GRM5: variants seen among roughly 807,000 people sequenced by gnomAD.
GRM5 encodes the protein metabotropic glutamate receptor 5.
GRM5 carries 19 observed loss-of-function variants against 83.1 expected under a neutral mutation model. The observed-to-expected ratio is 0.23, with a 90% confidence interval of 0.16 to 0.34. The LOEUF (loss-of-function observed/expected upper bound fraction) is 0.34, where lower values mean the gene tolerates loss of function less well. Among genes scored for constraint, GRM5 ranks in the 10% least tolerant of loss-of-function variants. The pLI, the probability that GRM5 is intolerant of heterozygous loss-of-function variation, is 1.00. For synonymous variants in GRM5, 675 were observed against 633.6 expected, an observed-to-expected ratio of 1.07 and a Z score of -0.98; for missense variants, 1,160 against 1,588.3, an observed-to-expected ratio of 0.73 and a Z score of 4.58.
intron 3 of GRM5, among the ~76,000 whole-genome samples, chr11:88,682,918 G>C (rs1940530828): frequency 6.7e-6 from 1 of 150,224 alleles, no homozygotes; most frequent in Non-Finnish European, 1.5e-5. Flanking sequence ...TAGCTTACTG[G>C]TGTTTAAACG....
At position 88,508,598 on chromosome 11, in the gene GRM5, C is replaced by G. The variant is rs183106472; in HGVS notation, c.3633G>C (p.Ser1211=). ...IIRDYTQSSS[S]L ...GCGTGCTTTCCAGGGACATTCACAA[C>G]GACGAGGAGCTCTGAGTGTAATCTC... The change falls in exon 10 of 10, where the codon TCG becomes TCC. Residue 1211 remains serine (S), a synonymous_variant. Transcript: ENST00000305447. This position sits in a 1 kb window ranked among gnomAD's most constrained non-coding sequence, Gnocchi z 4.2. The G allele has an allele frequency of 6.2e-6, 10 of 1,607,602 alleles. No homozygotes were observed. The highest frequency in any genetic ancestry group is 1.7e-5 in the Admixed American group (1 of 59,768).
At chr11:88,596,608 G>A (rs1156731517) in intron 6 of GRM5, among the ~76,000 whole-genome samples, 1 of 151,914 alleles carries the variant, frequency 6.6e-6, no homozygotes, top group African/African-American at 2.4e-5. Context: ...CTATATGAAT[G>A]TTCTCTCCCT....
At chr11:88,762,311 G>A (rs1942538299) in intron 3 of GRM5, among the ~76,000 whole-genome samples, 1 of 152,040 alleles carries the variant, frequency 6.6e-6, no homozygotes, top group Non-Finnish European at 1.5e-5. Flanking sequence ...CTAATATCCA[G>A]CATCTATAAG....
At chr11:88,902,746 G>A (rs1444448091) in intron 2 of GRM5, among the ~76,000 whole-genome samples, 1 of 151,974 alleles carries the variant, frequency 6.6e-6, no homozygotes, top group African/African-American at 2.4e-5. Flanking sequence ...ATGAGGTCTG[G>A]ATTTCCAGGC....
At chr11:88,907,320 C>T (rs1945420992) in intron 2 of GRM5, among the ~76,000 whole-genome samples, 1 of 152,180 alleles carries the variant, frequency 6.6e-6, no homozygotes, top group Admixed American at 6.5e-5. Flanking sequence ...TAGTGTCCCA[C>T]AGAGGGACCA....
At chr11:88,861,192 A>C (rs946231463) in intron 2 of GRM5, among the ~76,000 whole-genome samples, 2 of 152,140 alleles carry the variant, frequency 1.3e-5, no homozygotes, top group African/African-American at 4.8e-5. Flanking sequence ...GGTAGAATTC[A>C]AACTTCTTAG....
At chr11:88,660,465 G>T (rs1176819778) in intron 3 of GRM5, among the ~76,000 whole-genome samples, 1 of 152,144 alleles carries the variant, frequency 6.6e-6, no homozygotes, top group Non-Finnish European at 1.5e-5. Context: ...CAACTCCATG[G>T]AGATTTTAGG....
chr11:88,510,855 C>T (rs1941349723), intron 9 of GRM5, among the ~76,000 whole-genome samples: 2 of 152,228 alleles, frequency 1.3e-5, no homozygotes, highest in South Asian at 4.1e-4. Context: ...AGTTTCCCAT[C>T]ACAAAGTAAT....
chr11:88,526,533 T>A (rs1012554273), intron 8 of GRM5, among the ~76,000 whole-genome samples: 1 of 152,170 alleles, frequency 6.6e-6, no homozygotes, highest in African/African-American at 2.4e-5. Context: ...GAGCCTGGTA[T>A]AACACCACTT....
intron 2 of GRM5, among the ~76,000 whole-genome samples, chr11:88,860,007 A>G (rs1944535193): frequency 6.6e-6 from 1 of 152,120 alleles, no homozygotes; most frequent in African/African-American, 2.4e-5. Flanking sequence ...TAGACATACC[A>G]TATTATCTTG....
intron 3 of GRM5, among the ~76,000 whole-genome samples, chr11:88,841,312 T>A (rs1944195898): frequency 6.6e-6 from 1 of 152,218 alleles, no homozygotes; most frequent in Non-Finnish European, 1.5e-5. Flanking sequence ...TTTCTCATTA[T>A]CTTGACAATT....
At chr11:88,912,061 T>C (rs1451193403) in intron 2 of GRM5, 2 of 467,764 alleles carry the variant, frequency 4.3e-6, no homozygotes, top group African/African-American at 4.0e-5. Flanking sequence ...CTGTAAGTAT[T>C]GGCGAAGTTC....
chr11:88,755,179 T>C (rs1297863907), intron 3 of GRM5, among the ~76,000 whole-genome samples: 1 of 152,172 alleles, frequency 6.6e-6, no homozygotes, highest in Non-Finnish European at 1.5e-5. Context: ...AAATAGAAGA[T>C]ATCTCATCAA....
rs1941145515 is a variant in GRM5, at chr11:88,505,010, C to T, written c.*3582G>A. On this transcript the variant is annotated 3_prime_UTR_variant, in exon 10 of 10. Coordinates refer to ENST00000305447, the MANE Select transcript of GRM5 (RefSeq NM_001143831.3). The stretch of plus-strand genomic sequence containing the variant: ...CAGCTGCCATTGATTTCTAGAAATA[C>T]ACACAATATACATAGTATATTTGTT... 1 of 152,130 alleles carries T rather than the reference C, an allele frequency of 6.6e-6. No homozygotes were observed. Among genetic ancestry groups the T allele is most frequent in the Non-Finnish European group, 1.5e-5 (1 of 67,996 alleles). 9.4% of individuals were successfully genotyped at this position (152,130 alleles called of 1,614,324 possible).
At chr11:88,696,038 A>C (rs57134841) in intron 3 of GRM5, among the ~76,000 whole-genome samples, 18,461 of 152,144 alleles carry the variant, frequency 0.12, 2,457 homozygotes, top group African/African-American at 0.33. Context: ...TTCTTGCCCT[A>C]GTGTACCAGA....
chr11:88,737,916 A>G, intron 3 of GRM5, among the ~76,000 whole-genome samples: 1 of 152,078 alleles, frequency 6.6e-6, no homozygotes, highest in East Asian at 1.9e-4. Context: ...TATAATTATC[A>G]TGTTCATGAA....
chr11:88,560,737 C>A (rs2135161526), intron 8 of GRM5, among the ~76,000 whole-genome samples: 1 of 152,194 alleles, frequency 6.6e-6, no homozygotes, highest in African/African-American at 2.4e-5. Context: ...CTGTGCTAGG[C>A]ACCAAGGGAG....
intron 2 of GRM5, among the ~76,000 whole-genome samples, chr11:88,892,000 T>C (rs1382661656): frequency 6.6e-6 from 1 of 152,096 alleles, no homozygotes; most frequent in African/African-American, 2.4e-5. Context: ...TTTTGAACTA[T>C]GTGCAGCCTT....
Position 88,677,531 on chromosome 11 carries a change from T to C in GRM5, c.912-24128A>G, listed in dbSNP as rs1244780657. ...ACAGTGATTCTTCTACAAGAGAAATTAGCCCAAGAATGAAGTTGAAACATG... is the reference window on the plus strand; with the variant it reads ...ACAGTGATTCTTCTACAAGAGAAATCAGCCCAAGAATGAAGTTGAAACATG... On this transcript the variant is annotated intron_variant, in intron 3 of 9. Transcript: ENST00000305447. 5.3e-5 allele frequency among the ~76,000 whole-genome samples: 8 copies of C among 152,108 alleles called. No homozygotes were observed. In the East Asian group the frequency reaches 1.5e-3, roughly 29 times the overall value.
Sources: gnomAD v4.1 joint callset for allele counts (sites outside exome capture counted in the v4.1 genomes callset) on GRCh38, gnomAD v4.1.1 for gene constraint, Gnocchi (gnomAD v3.1) non-coding constraint, MANE v1.5 for transcripts, NCBI Gene and HGNC (gene_info 2026-07-23, HGNC 2026-07-21) for gene names.